The following MSN variants were observed in gnomAD, a reference collection of about 807,000 sequenced individuals.
MSN encodes epididymis luminal protein 70.
In MSN, 2 loss-of-function variants were observed where a neutral mutation model predicts 48.0. The observed-to-expected ratio is 0.04, with a 90% CI of 0.02 to 0.13. MSN has a LOEUF of 0.13. Among genes scored for constraint, MSN ranks in the 10% least tolerant of loss-of-function variants. The pLI is 1.00. For synonymous variants in MSN, 146 were observed against 166.9 expected (o/e 0.87, Z 0.97); for missense variants, 267 against 470.1 (o/e 0.57, Z 3.99).
At chrX:65,716,306 C>T (rs1353897298) in intron 1 of MSN, among the ~76,000 whole-genome samples, 3 of 111,415 alleles carry the variant, frequency 2.7e-5, no homozygotes, top group Non-Finnish European at 3.8e-5. Flanking sequence ...GACAAAGTCT[C>T]GCTCTGTTGC....
At chrX:65,692,478 T>C (rs1044180158) in intron 1 of MSN, among the ~76,000 whole-genome samples, 1 of 112,585 alleles carries the variant, frequency 8.9e-6, no homozygotes, top group Non-Finnish European at 1.9e-5. Context: ...ATAAAACCTT[T>C]GCTGTCCATC....
chrX:65,698,794 T>A (rs1447558153), intron 1 of MSN, among the ~76,000 whole-genome samples: 1 of 112,262 alleles, frequency 8.9e-6, no homozygotes, highest in East Asian at 2.8e-4. Context: ...CATGCTGGTC[T>A]CTCTCCACAG....
chrX:65,738,292 T>TA (rs1446523103), intron 10 of MSN, among the ~76,000 whole-genome samples: 6 of 111,435 alleles, frequency 5.4e-5, no homozygotes, highest in Non-Finnish European at 1.1e-4. Flanking sequence ...AGAGATGGCA[T>TA]ATTGTTTGTC....
intron 1 of MSN, among the ~76,000 whole-genome samples, chrX:65,713,653 A>G (rs1569465828): frequency 8.9e-6 from 1 of 111,919 alleles, no homozygotes; most frequent in Non-Finnish European, 1.9e-5. Flanking sequence ...TCAGGGGTAC[A>G]TGTGCAGGTT....
intron 1 of MSN, among the ~76,000 whole-genome samples, chrX:65,658,696 T>G (rs945962833): frequency 9.0e-6 from 1 of 111,636 alleles, no homozygotes; most frequent in East Asian, 2.8e-4. Flanking sequence ...ATGCAGAAGC[T>G]TCTTTATTGC....
chrX:65,595,397 CTT>C lies in MSN; in HGVS notation c.-22+6786_-22+6787del, dbSNP rs113129695. 6.2e-3 allele frequency among the ~76,000 whole-genome samples: 698 copies of C among 112,183 alleles called. 7 individuals carry two copies. The highest frequency in any genetic ancestry group is 0.021 in the African/African-American group (662 of 30,835). ...CTCTCTGCACAGCCCTGGAAAGCCT[CTT>C]GTTTCTAGTCACTAGGAGAGAAGGT... is the stretch of plus-strand genomic sequence containing the variant. On this transcript the variant is annotated intron_variant, in intron 1 of 3. Transcript: ENST00000609672.
chrX:65,607,490 G>A (rs1482435750), intron 1 of MSN, among the ~76,000 whole-genome samples: 1 of 111,461 alleles, frequency 9.0e-6, no homozygotes, highest in Non-Finnish European at 1.9e-5. Context: ...TAGAGACACA[G>A]GGTCAGGGAA....
At chrX:65,623,759 C>A (rs1457862827) in intron 1 of MSN, among the ~76,000 whole-genome samples, 1 of 107,901 alleles carries the variant, frequency 9.3e-6, no homozygotes, top group Non-Finnish European at 1.9e-5. Context: ...TTGCAGTGAG[C>A]CAAAATCGTG....
intron 1 of MSN, among the ~76,000 whole-genome samples, chrX:65,622,623 T>C (rs767938865): frequency 6.5e-5 from 7 of 107,841 alleles, no homozygotes; most frequent in Non-Finnish European, 1.3e-4. Flanking sequence ...TTCAAGTGAT[T>C]CTCTTGCCTC....
In MSN at chrX:65,716,966, C is replaced by A. The variant is rs771184871; in HGVS notation, c.96+65C>A. On this transcript the variant is annotated intron_variant, in intron 2 of 12. Coordinates refer to ENST00000360270, the MANE Select transcript of MSN (RefSeq NM_002444.3). ...TAGCTTCCACCACAATGCCAACAAT[C>A]CATGACTTTTGCCTCTTGTCAAAGA... is the stretch of plus-strand genomic sequence containing the variant. 4 of 998,393 alleles carry A rather than the reference C, an allele frequency of 4.0e-6. No individual in the cohort carries two copies. In the East Asian group the frequency reaches 1.2e-4, roughly 31 times the overall value. 82.3% of individuals were successfully genotyped at this position (998,393 alleles called of 1,213,427 possible).
At chrX:65,665,946 G>T (rs755437804), upstream of MSN, among the ~76,000 whole-genome samples, 1 of 111,995 alleles carries the variant, frequency 8.9e-6, no homozygotes, top group African/African-American at 3.2e-5. Context: ...GCCTTCACAT[G>T]GTTGCCAGTG....
intron 1 of MSN, chrX:65,625,238 G>C (rs758279941): frequency 1.8e-5 from 2 of 112,307 alleles, no homozygotes; most frequent in Non-Finnish European, 3.8e-5. Flanking sequence ...TCAGAAGAAT[G>C]TGTGTTTTGA....
At chrX:65,598,177 AAGG>A (rs1448241136) in intron 1 of MSN, among the ~76,000 whole-genome samples, 2 of 111,028 alleles carry the variant, frequency 1.8e-5, no homozygotes, top group South Asian at 3.8e-4. Flanking sequence ...AGAATCAGAG[AAGG>A]AGAAGAGAGA....
chrX:65,711,411 G>C (rs1294599946), intron 1 of MSN, among the ~76,000 whole-genome samples: 1 of 111,032 alleles, frequency 9.0e-6, no homozygotes, highest in African/African-American at 3.3e-5. Flanking sequence ...GGCCAGGCTG[G>C]TCTCGAACTC....
chrX:65,672,476 C>G lies in MSN; in HGVS notation c.12+4623C>G, dbSNP rs1204990821. ...ATGACTGACTGGCTTTGCTGTCCAT[C>G]CCTCCTTCCATTTCATGCTTGAGAG... is the stretch of plus-strand genomic sequence containing the variant. On this transcript the variant is annotated intron_variant, in intron 1 of 12. Coordinates refer to ENST00000360270, the MANE Select transcript of MSN (RefSeq NM_002444.3). 2.7e-5 allele frequency among the ~76,000 whole-genome samples: 3 copies of G among 111,637 alleles called. No homozygotes were observed. In the Admixed American group the frequency reaches 2.9e-4, roughly 11 times the overall value.
At chrX:65,591,833 A>G (rs753251188) in intron 1 of MSN, among the ~76,000 whole-genome samples, 1 of 110,759 alleles carries the variant, frequency 9.0e-6, no homozygotes, top group African/African-American at 3.3e-5. Context: ...CTCCCCTTCC[A>G]TCCCCTCATC....
chrX:65,712,655 G>A (rs1255184269), intron 1 of MSN, among the ~76,000 whole-genome samples: 1 of 107,484 alleles, frequency 9.3e-6, no homozygotes, highest in Non-Finnish European at 1.9e-5. Flanking sequence ...ATCCTTCTAT[G>A]TATACATTTT....
chrX:65,672,304 A>G (rs1056151410), intron 1 of MSN, among the ~76,000 whole-genome samples: 3 of 112,283 alleles, frequency 2.7e-5, no homozygotes, highest in African/African-American at 9.7e-5. Context: ...GATAGAATTG[A>G]ATTTATCATG....
At chrX:65,621,621 T>TA (rs778983305) in intron 1 of MSN, among the ~76,000 whole-genome samples, 1 of 110,732 alleles carries the variant, frequency 9.0e-6, no homozygotes, top group African/African-American at 3.3e-5. Context: ...ATTTTAGGAT[T>TA]AAAAAAAAAT....
Sources: gnomAD v4.1 joint callset for allele counts (sites outside exome capture counted in the v4.1 genomes callset) on GRCh38, gnomAD v4.1.1 for gene constraint, MANE v1.5 for transcripts, NCBI Gene and HGNC (gene_info 2026-07-23, HGNC 2026-07-21) for gene names.